The following ENOX2 variants were observed in gnomAD, a reference collection of about 807,000 sequenced individuals.
ENOX2 encodes the protein APK1 antigen.
Under a neutral mutation model 45.0 loss-of-function variants are expected in ENOX2, and 36 were observed. That is an observed-to-expected ratio of 0.80 (90% CI 0.61 to 1.06). The LOEUF (loss-of-function observed/expected upper bound fraction) is 1.06, where lower values mean the gene tolerates loss of function less well. Among genes scored for constraint, ENOX2 ranks in the 50% least tolerant of loss-of-function variants. The pLI is 0.00. For synonymous variants in ENOX2, 174 were observed against 152.3 expected (o/e 1.14, Z -1.05); for missense variants, 423 against 462.5 (o/e 0.91, Z 0.78).
intron 3 of ENOX2, among the ~76,000 whole-genome samples, chrX:130,755,349 A>G (rs2039329473): frequency 8.9e-6 from 1 of 111,800 alleles, no homozygotes; most frequent in Non-Finnish European, 1.9e-5. Context: ...AGCTCAAAAG[A>G]AAATGTTAGC....
chrX:130,645,002 T>A (rs2036191375), intron 10 of ENOX2, among the ~76,000 whole-genome samples: 1 of 111,609 alleles, frequency 9.0e-6, no homozygotes, highest in Admixed American at 9.5e-5. Context: ...TGGGGGATAC[T>A]GTGCTTTTAT....
intron 3 of ENOX2, among the ~76,000 whole-genome samples, chrX:130,731,029 C>G (rs1203854514): frequency 9.1e-6 from 1 of 110,481 alleles, no homozygotes; most frequent in Non-Finnish European, 1.9e-5. Context: ...TTTTAGGGTG[C>G]CCTGGCTGAG....
At chrX:130,757,492 G>T (rs2039379592) in intron 3 of ENOX2, among the ~76,000 whole-genome samples, 1 of 111,464 alleles carries the variant, frequency 9.0e-6, no homozygotes, top group African/African-American at 3.3e-5. Context: ...GCTTTAAGAT[G>T]ACCAGGGAGG....
At chrX:130,795,938 T>C (rs2077117731) in intron 2 of ENOX2, among the ~76,000 whole-genome samples, 1 of 110,822 alleles carries the variant, frequency 9.0e-6, no homozygotes, top group Non-Finnish European at 1.9e-5. Flanking sequence ...CAGAGCCTTA[T>C]CAGACGACTT....
At chrX:130,704,480 C>T (rs1361942271) in intron 3 of ENOX2, among the ~76,000 whole-genome samples, 3 of 111,107 alleles carry the variant, frequency 2.7e-5, no homozygotes, top group African/African-American at 6.5e-5. Flanking sequence ...AACAGACTTT[C>T]GTTTTGGGAA....
chrX:130,859,065 C>T (rs1397711445), intron 2 of ENOX2, among the ~76,000 whole-genome samples: 1 of 112,468 alleles, frequency 8.9e-6, no homozygotes, highest in African/African-American at 3.2e-5. Context: ...CGGTGGCTCA[C>T]GCCTGTAATC....
chrX:130,796,128 T>C (rs760424156), intron 2 of ENOX2, among the ~76,000 whole-genome samples: 1 of 110,030 alleles, frequency 9.1e-6, no homozygotes, highest in African/African-American at 3.3e-5. Context: ...AAAACCATAA[T>C]GATACAATGG....
chrX:130,775,239 G>A (rs1448334564), intron 3 of ENOX2, among the ~76,000 whole-genome samples: 1 of 110,439 alleles, frequency 9.1e-6, no homozygotes, highest in African/African-American at 3.3e-5. Context: ...AAATTAGCCA[G>A]GCATAGAGGC....
chrX:130,769,763 A>C (rs900994335), intron 3 of ENOX2, among the ~76,000 whole-genome samples: 4 of 112,178 alleles, frequency 3.6e-5, no homozygotes, highest in Non-Finnish European at 7.5e-5. Flanking sequence ...ACATATTGGC[A>C]TATTATGTTT....
Position 130,704,322 on chromosome X carries a change from G to A in ENOX2, c.-38-1068C>T, listed in dbSNP as rs779545694. 2.7e-5 allele frequency among the ~76,000 whole-genome samples: 3 copies of A among 111,694 alleles called. No individual in the cohort carries two copies. In the East Asian group the frequency reaches 8.4e-4, roughly 31 times the overall value. ...CAGATTTATATAGAGCATGTCATGAGTGATGAGCAGTTATTAGATAGGTAA... is the reference window on the plus strand; with the variant it reads ...CAGATTTATATAGAGCATGTCATGAATGATGAGCAGTTATTAGATAGGTAA... On this transcript the variant is annotated intron_variant, in intron 3 of 14. Coordinates refer to ENST00000394363, the MANE Select transcript of ENOX2 (RefSeq NM_006375.4).
At chrX:130,840,095 T>C (rs973091444) in intron 2 of ENOX2, among the ~76,000 whole-genome samples, 49 of 111,314 alleles carry the variant, frequency 4.4e-4, no homozygotes, top group Non-Finnish European at 3.0e-4. Flanking sequence ...ACAGTAAGCA[T>C]TAAATAAGGT....
chrX:130,747,209 G>A (rs774028465), intron 3 of ENOX2, among the ~76,000 whole-genome samples: 31 of 110,748 alleles, frequency 2.8e-4, no homozygotes, highest in Non-Finnish European at 3.4e-4. Flanking sequence ...GCCCTTAAAC[G>A]TCACATGAGA....
chrX:130,727,434 T>G (rs1344727295), intron 3 of ENOX2, among the ~76,000 whole-genome samples: 1 of 111,996 alleles, frequency 8.9e-6, no homozygotes, highest in African/African-American at 3.3e-5. Context: ...CAATTACAGT[T>G]GAAGAGATGA....
At chrX:130,784,539 A>T (rs2076939745) in intron 2 of ENOX2, among the ~76,000 whole-genome samples, 1 of 109,620 alleles carries the variant, frequency 9.1e-6, no homozygotes, top group Admixed American at 9.7e-5. Context: ...CTGGTTCTCT[A>T]ATCCTATCAA....
At chrX:130,745,811 A>G (rs1000634228) in intron 3 of ENOX2, among the ~76,000 whole-genome samples, 4 of 112,143 alleles carry the variant, frequency 3.6e-5, no homozygotes, top group Admixed American at 1.9e-4. Context: ...TCTAAGAACT[A>G]CTGCTGTATA....
chrX:130,767,468 A>T (rs1044589249), intron 3 of ENOX2, among the ~76,000 whole-genome samples: 8 of 111,780 alleles, frequency 7.2e-5, no homozygotes, highest in African/African-American at 2.6e-4. Context: ...ATCCTATGAA[A>T]GTAGGAAAAA....
intron 2 of ENOX2, among the ~76,000 whole-genome samples, chrX:130,799,724 A>G (rs183196239): frequency 8.9e-6 from 1 of 111,844 alleles, no homozygotes; most frequent in East Asian, 2.8e-4. Flanking sequence ...GACATCCATA[A>G]AAGCATGAAA....
intron 3 of ENOX2, among the ~76,000 whole-genome samples, chrX:130,747,599 C>G (rs2039126832): frequency 8.9e-6 from 1 of 112,412 alleles, no homozygotes; most frequent in South Asian, 3.7e-4. Context: ...ATACAGATGA[C>G]CTGTTTTAAG....
chrX:130,862,270 CCAGA>C (rs1190633429), intron 2 of ENOX2, among the ~76,000 whole-genome samples: 2 of 111,149 alleles, frequency 1.8e-5, no homozygotes, highest in African/African-American at 6.5e-5. Flanking sequence ...CTTGAACAAT[CCAGA>C]CACTCTCTCG....
Sources: gnomAD v4.1 joint callset for allele counts (sites outside exome capture counted in the v4.1 genomes callset) on GRCh38, gnomAD v4.1.1 for gene constraint, MANE v1.5 for transcripts, NCBI Gene and HGNC (gene_info 2026-07-23, HGNC 2026-07-21) for gene names.